The following SEMA3A variants were observed in gnomAD, a reference collection of about 807,000 sequenced individuals.
The protein encoded by SEMA3A is semaphorin-3A.
In SEMA3A, 29 loss-of-function variants were observed where a neutral mutation model predicts 97.9. The ratio of observed to expected loss-of-function variants is 0.30; its 90% CI spans 0.22 to 0.40. The LOEUF is 0.40. SEMA3A is among the 10% of genes least tolerant of loss of function. The pLI is 1.00. For synonymous variants in SEMA3A, 321 were observed against 323.7 expected (o/e 0.99, Z 0.09); for missense variants, 763 against 951.3 (o/e 0.80, Z 2.60).
At chr7:84,427,433 T>C (rs906375918) in intron 1 of SEMA3A, among the ~76,000 whole-genome samples, 3 of 151,680 alleles carry the variant, frequency 2.0e-5, no homozygotes, top group African/African-American at 7.3e-5. Context: ...TAGATCACAA[T>C]GTCAGGAGTT....
At chr7:84,030,266 T>C (rs923445036) in intron 6 of SEMA3A, among the ~76,000 whole-genome samples, 1 of 152,150 alleles carries the variant, frequency 6.6e-6, no homozygotes, top group Non-Finnish European at 1.5e-5. Flanking sequence ...TAAAACCTTC[T>C]CTTTAAAGGG....
intron 3 of SEMA3A, among the ~76,000 whole-genome samples, chr7:84,223,923 A>G (rs1296100224): frequency 6.6e-6 from 1 of 151,908 alleles, no homozygotes; most frequent in Non-Finnish European, 1.5e-5. Flanking sequence ...GGATAATTAC[A>G]AGAATAAAAT....
intron 1 of SEMA3A, among the ~76,000 whole-genome samples, chr7:84,171,559 A>G (rs555807781): frequency 2.0e-5 from 3 of 152,284 alleles, no homozygotes; most frequent in South Asian, 2.1e-4. Flanking sequence ...AAAGGTCTCA[A>G]TTTAGAATAA....
At chr7:83,983,923 T>C (rs1789522246) in intron 13 of SEMA3A, among the ~76,000 whole-genome samples, 1 of 152,148 alleles carries the variant, frequency 6.6e-6, no homozygotes, top group Non-Finnish European at 1.5e-5. Context: ...CTATCTCACT[T>C]TAAAAATGCC....
In SEMA3A at chr7:84,173,405, A is replaced by G. The variant is rs968182950; in HGVS notation, c.112+21070T>C. On this transcript the variant is annotated intron_variant, in intron 1 of 16. Coordinates refer to ENST00000265362, the MANE Select transcript of SEMA3A (RefSeq NM_006080.3). ...ATCCCATCTCTACTAAAAAGATACA[A>G]AAAATTAGCCAGGCGTGGTGGCGCA... Among the ~76,000 whole-genome samples, 4 of 151,978 alleles carry G rather than the reference A, an allele frequency of 2.6e-5. No homozygotes were observed. The East Asian group carries it at 7.8e-4, about 30-fold the overall frequency.
At chr7:84,362,309 C>A (rs886277943) in intron 2 of SEMA3A, among the ~76,000 whole-genome samples, 5 of 151,968 alleles carry the variant, frequency 3.3e-5, no homozygotes, top group Non-Finnish European at 5.9e-5. Context: ...ACAGTAACAA[C>A]ATCACAGTGG....
chr7:84,185,297 G>A (rs756037070), intron 1 of SEMA3A, among the ~76,000 whole-genome samples: 9 of 151,918 alleles, frequency 5.9e-5, no homozygotes, highest in Admixed American at 3.3e-4. Flanking sequence ...AACCTACAAC[G>A]TTGTCTAATA....
intron 2 of SEMA3A, among the ~76,000 whole-genome samples, chr7:84,311,719 A>C (rs1801325625): frequency 6.6e-6 from 1 of 151,970 alleles, no homozygotes; most frequent in Admixed American, 6.6e-5. Context: ...GCAAATTAAA[A>C]ACTAAGAAAT....
At chr7:84,402,833 C>A (rs1366125018) in intron 1 of SEMA3A, among the ~76,000 whole-genome samples, 1 of 152,140 alleles carries the variant, frequency 6.6e-6, no homozygotes, top group African/African-American at 2.4e-5. Context: ...AAATATCACA[C>A]GTTCTCATTC....
intron 3 of SEMA3A, among the ~76,000 whole-genome samples, chr7:84,255,398 C>A (rs902382524): frequency 5.9e-5 from 9 of 151,976 alleles, no homozygotes; most frequent in Admixed American, 5.2e-4. Context: ...CCCCCAAAGG[C>A]AACACTCTTT....
Position 83,959,276 on chromosome 7 carries a change from C to G in SEMA3A, c.*2095G>C, listed in dbSNP as rs868302996. 6.6e-6 allele frequency: 1 copy of G among 151,946 alleles called. No individual in the cohort carries two copies. The highest frequency in any genetic ancestry group is 2.1e-4 in the South Asian group (1 of 4,832). 9.4% of individuals were successfully genotyped at this position (151,946 alleles called of 1,614,324 possible). On this transcript the variant is annotated 3_prime_UTR_variant, in exon 17 of 17. Transcript: ENST00000265362. ...TCTGCTATCGCAAATAAATTTATTT[C>G]AGCTGCAAATTTAGAATGAAACACA...
rs187114437 is a variant in SEMA3A at position 84,243,614 on chromosome 7, T to A, written c.-82-48946A>T. ...AAAAACCAGCTTCTGGATTCATTGA[T>A]TTTTTTTGTGAAGGGGTTTTCATGT... On this transcript the variant is annotated intron_variant, in intron 3 of 3. Transcript: ENST00000424555. Among the ~76,000 whole-genome samples the A allele has an allele frequency of 9.8e-5, 13 of 132,536 alleles. No homozygotes were observed. In the East Asian group the frequency reaches 2.5e-3, roughly 26 times the overall value. 86.9% of individuals were successfully genotyped at this position (132,536 alleles called of 152,430 possible). A position where few individuals can be genotyped will look rare whatever the true frequency, so the allele number is the denominator to read the frequency against.
chr7:84,147,656 C>T (rs10263314), intron 1 of SEMA3A, among the ~76,000 whole-genome samples: 126,915 of 152,112 alleles, frequency 0.83, 53,164 homozygotes, highest in East Asian at 0.92. Flanking sequence ...TAAGTACTTA[C>T]TGAATGAATG....
At chr7:84,265,186 T>C (rs532554872) in intron 3 of SEMA3A, among the ~76,000 whole-genome samples, 1 of 152,130 alleles carries the variant, frequency 6.6e-6, no homozygotes, top group Non-Finnish European at 1.5e-5. Flanking sequence ...CACGTAATCA[T>C]ATTCATTTCA....
chr7:84,146,160 T>C (rs565189152), intron 1 of SEMA3A, among the ~76,000 whole-genome samples: 20 of 152,316 alleles, frequency 1.3e-4, no homozygotes, highest in African/African-American at 4.8e-4. Flanking sequence ...CATGCCACTT[T>C]TCTGCATGAG....
At chr7:84,487,308 G>C (rs1308464758) in intron 1 of SEMA3A, among the ~76,000 whole-genome samples, 1 of 152,048 alleles carries the variant, frequency 6.6e-6, no homozygotes, top group African/African-American at 2.4e-5. Flanking sequence ...GAGTTGGGTT[G>C]ATTGTTGTGA....
At chr7:84,308,059 A>G (rs993313094) in intron 2 of SEMA3A, among the ~76,000 whole-genome samples, 2 of 152,150 alleles carry the variant, frequency 1.3e-5, no homozygotes, top group Non-Finnish European at 2.9e-5. Flanking sequence ...TAGCTAAGTT[A>G]TTAACCTTAT....
intron 4 of SEMA3A, among the ~76,000 whole-genome samples, chr7:84,068,310 T>G (rs887624396): frequency 2.1e-5 from 3 of 145,958 alleles, no homozygotes; most frequent in East Asian, 4.1e-4. Context: ...CATTGGGAGA[T>G]ATACCTAATG....
At chr7:84,211,526 C>T (rs1245175660) in intron 3 of SEMA3A, among the ~76,000 whole-genome samples, 1 of 151,512 alleles carries the variant, frequency 6.6e-6, no homozygotes, top group South Asian at 2.1e-4. Flanking sequence ...GAGGCTCAGG[C>T]AGGGGAACTG....
Sources: gnomAD v4.1 joint callset for allele counts (sites outside exome capture counted in the v4.1 genomes callset) on GRCh38, gnomAD v4.1.1 for gene constraint, MANE v1.5 for transcripts, NCBI Gene and HGNC (gene_info 2026-07-23, HGNC 2026-07-21) for gene names.